Variants in FAM13B observed in about 807,000 individuals in gnomAD.
FAM13B encodes family with sequence similarity 13 member B.
In FAM13B, 60 loss-of-function variants were observed where a neutral mutation model predicts 117.3. The observed-to-expected ratio is 0.51, with a 90% confidence interval of 0.42 to 0.63. FAM13B has a LOEUF of 0.63. Among genes scored for constraint, FAM13B ranks in the 30% least tolerant of loss-of-function variants. The pLI, the probability that FAM13B is intolerant of heterozygous loss-of-function variation, is 0.00. For synonymous variants in FAM13B, 332 were observed against 356.1 expected, an observed-to-expected ratio of 0.93 and a Z score of 0.76; for missense variants, 972 against 1,091.9, an observed-to-expected ratio of 0.89 and a Z score of 1.55.
chr5:138,021,063 T>C lies in FAM13B; in HGVS notation c.-68A>G. The C allele has an allele frequency of 2.4e-6, 3 of 1,231,672 alleles. No homozygotes were observed. The highest frequency in any genetic ancestry group is 3.0e-6 in the Non-Finnish European group (3 of 987,928). 76.3% of individuals were successfully genotyped at this position (1,231,672 alleles called of 1,614,324 possible). On this transcript the variant is annotated 5_prime_UTR_variant, in exon 2 of 24. Transcript: ENST00000689681. ...TACTTAAATACCTAAGTTTAAAAAATGGCTTCTGCACCAGCTACCCTCACT... is the reference window on the plus strand; with the variant it reads ...TACTTAAATACCTAAGTTTAAAAAACGGCTTCTGCACCAGCTACCCTCACT...
chr5:137,970,484 C>T (rs1446388433), intron 10 of FAM13B, among the ~76,000 whole-genome samples: 18 of 151,806 alleles, frequency 1.2e-4, no homozygotes, highest in African/African-American at 3.6e-4. Context: ...AAGGAACAAC[C>T]GGTACCAGCC....
At chr5:137,961,545 A>G (rs940817243) in intron 11 of FAM13B, among the ~76,000 whole-genome samples, 1 of 152,200 alleles carries the variant, frequency 6.6e-6, no homozygotes, top group Non-Finnish European at 1.5e-5. Flanking sequence ...CCTTCAGAGT[A>G]TGGGGAGGCT....
At chr5:138,026,628 C>CAAAAA (rs56195021) in intron 1 of FAM13B, among the ~76,000 whole-genome samples, 3 of 29,434 alleles carry the variant, frequency 1.0e-4, no homozygotes, top group East Asian at 1.1e-3. Context: ...GACCGTGTCT[C>CAAAAA]AAAAAAAAAA....
chr5:137,996,355 G>A (rs1229355609), intron 7 of FAM13B, among the ~76,000 whole-genome samples: 2 of 152,108 alleles, frequency 1.3e-5, no homozygotes, highest in East Asian at 1.9e-4. Context: ...TAGCCAGGAT[G>A]GTCTCGATCT....
chr5:137,983,914 C>CT (rs772141448), intron 10 of FAM13B, among the ~76,000 whole-genome samples: 1 of 152,142 alleles, frequency 6.6e-6, no homozygotes, highest in Admixed American at 6.6e-5. Flanking sequence ...TTTAGCCCTA[C>CT]TTTAGTGGAT....
At chr5:138,036,127 T>A (rs973128089), upstream of FAM13B, 1 of 337,786 alleles carries the variant, frequency 3.0e-6, no homozygotes, top group Non-Finnish European at 5.8e-6. Context: ...CTCCGTACCC[T>A]AGGGGGTGCC....
Position 137,946,302 on chromosome 5 carries a change from T to C in FAM13B, c.2170A>G (p.Lys724Glu), listed in dbSNP as rs1763409282. The change falls in exon 19 of 24, where the codon AAA becomes GAA. Residue 724 changes from lysine (K) to glutamate (E), a missense_variant. Lys to Glu is a moderately conservative substitution (Grantham distance 56, BLOSUM62 1). Coordinates refer to ENST00000689681, the MANE Select transcript of FAM13B (RefSeq NM_001385994.1). Reference protein sequence around the residue: ...CLPEDIKKMTKDHLVEEKASL... With the variant: ...CLPEDIKKMTEDHLVEEKASL... ...GCTTTCTCTTCTACCAAATGATCTT[T>C]GGTCATTTTCTGGAATTAAACAAAA... 1 of 1,558,156 alleles carries C rather than the reference T, an allele frequency of 6.4e-7. No individual in the cohort carries two copies. Among genetic ancestry groups the C allele is most frequent in the Non-Finnish European group, 8.6e-7 (1 of 1,159,476 alleles).
chr5:137,987,344 A>G (rs1777494289), intron 9 of FAM13B, 117 bp downstream of exon 9: 14 of 939,866 alleles, frequency 1.5e-5, no homozygotes, highest in Non-Finnish European at 2.0e-5. Context: ...GTCACTTTTC[A>G]CAAACAACTT....
At chr5:138,020,663 A>G (rs116067994) in intron 2 of FAM13B, 1,734 of 153,054 alleles carry the variant, frequency 0.011, 28 homozygotes, top group African/African-American at 0.04. Context: ...TATTTTTTCC[A>G]TCACCCTAGA....
At chr5:137,985,460 A>C (rs1776950224) in intron 9 of FAM13B, 71 bp from the exon 10 acceptor site, 1 of 1,407,390 alleles carries the variant, frequency 7.1e-7, no homozygotes, top group Non-Finnish European at 9.7e-7. Context: ...TAAAATAAGT[A>C]AATATCAATA....
At chr5:138,034,995 C>CTT (rs557807234), upstream of FAM13B, among the ~76,000 whole-genome samples, 125 of 34,380 alleles carry the variant, frequency 3.6e-3, 22 homozygotes, top group African/African-American at 5.3e-3. Flanking sequence ...ATTCCCTTGC[C>CTT]TTTTTTTTTT....
In FAM13B at chr5:137,942,007, T is replaced by G. The variant is rs564593715; in HGVS notation, c.2627A>C (p.Glu876Ala). Reference sequence around the variant, plus strand: ...CAACGTTTTGCGTAGTTTCTTTTTTTCAGCTCTGGCTTTCCAAAGTTGTTC... The same window carrying G: ...CAACGTTTTGCGTAGTTTCTTTTTTGCAGCTCTGGCTTTCCAAAGTTGTTC... ...LLEQLWKARAEKKKLRKTLRE... is the reference protein window; with the variant it reads ...LLEQLWKARAAKKKLRKTLRE... The change falls in exon 23 of 24, where the codon GAA becomes GCA. Residue 876 changes from glutamate (E) to alanine (A), a missense_variant. Glu to Ala is a moderately radical substitution (Grantham distance 107, BLOSUM62 -1). Coordinates refer to ENST00000689681, the MANE Select transcript of FAM13B (RefSeq NM_001385994.1). 4 of 1,614,138 alleles carry G rather than the reference T, an allele frequency of 2.5e-6. No homozygotes were observed. Among genetic ancestry groups the G allele is most frequent in the East Asian group, 2.2e-5 (1 of 44,876 alleles).
upstream of FAM13B, among the ~76,000 whole-genome samples, chr5:138,037,997 G>A (rs1414852963): frequency 6.6e-6 from 1 of 152,170 alleles, no homozygotes; most frequent in Non-Finnish European, 1.5e-5. Context: ...GAATTGGTAT[G>A]CATAAAAGTG....
intron 9 of FAM13B, among the ~76,000 whole-genome samples, chr5:137,986,190 G>A (rs1777159714): frequency 6.6e-6 from 1 of 151,810 alleles, no homozygotes; most frequent in African/African-American, 2.4e-5. Context: ...AAATAGAGCT[G>A]CACTGGCTGG....
chr5:138,002,527 C>T (rs1032273598), intron 7 of FAM13B, among the ~76,000 whole-genome samples: 1 of 152,056 alleles, frequency 6.6e-6, no homozygotes, highest in African/African-American at 2.4e-5. Flanking sequence ...GAGTGAAACT[C>T]CATGTGAAAA....
chr5:138,003,503 G>A lies in FAM13B; in HGVS notation c.848+3487C>T, dbSNP rs561559187. 4.6e-5 allele frequency among the ~76,000 whole-genome samples: 7 copies of A among 152,180 alleles called. No individual in the cohort carries two copies. In the East Asian group the frequency reaches 7.7e-4, roughly 17 times the overall value. On this transcript the variant is annotated intron_variant, in intron 7 of 23. Coordinates refer to ENST00000689681, the MANE Select transcript of FAM13B (RefSeq NM_001385994.1). ...AAAAGGAAATGTATAGATATTAACC[G>A]AAACACATAAATATTACTAAATCTA...
At chr5:137,986,433 C>CCA (rs1335251670) in intron 9 of FAM13B, among the ~76,000 whole-genome samples, 1 of 54,528 alleles carries the variant, frequency 1.8e-5, no homozygotes, top group African/African-American at 4.6e-5. Flanking sequence ...TCTTCCCCCC[C>CCA]CCAAAAAAAA....
At chr5:138,022,231 G>A (rs913384988) in intron 1 of FAM13B, among the ~76,000 whole-genome samples, 3 of 152,172 alleles carry the variant, frequency 2.0e-5, no homozygotes, top group Non-Finnish European at 1.5e-5. Flanking sequence ...TTTGCATAAT[G>A]CTAAAAGACC....
chr5:138,031,050 T>A (rs1237388357), intron 1 of FAM13B, among the ~76,000 whole-genome samples: 1 of 151,308 alleles, frequency 6.6e-6, no homozygotes, highest in East Asian at 1.9e-4. Context: ...AACAAAACAG[T>A]AATTTACACT....
Sources: allele counts gnomAD v4.1 joint callset (sites outside exome capture counted in the v4.1 genomes callset), GRCh38; gene constraint gnomAD v4.1.1; transcripts MANE v1.5; gene names NCBI Gene and HGNC (gene_info 2026-07-23, HGNC 2026-07-21).